CCDC110: variants seen among roughly 807,000 people sequenced by gnomAD.
The protein encoded by CCDC110 is coiled-coil domain containing 110.
CCDC110 carries 70 observed loss-of-function variants against 77.1 expected under a neutral mutation model. The observed-to-expected ratio is 0.91, with a 90% confidence interval of 0.75 to 1.11. CCDC110 has a LOEUF of 1.11. Ranked by LOEUF, CCDC110 falls within the 50% of genes least tolerant of loss-of-function variation. CCDC110 has a pLI of 0.00. For synonymous variants in CCDC110, 295 were observed against 312.5 expected (o/e 0.94, Z 0.59); for missense variants, 868 against 942.9 (o/e 0.92, Z 1.04).
intron 6 of CCDC110, 128 bp downstream of exon 6, chr4:185,457,998 G>T: frequency 1.5e-6 from 1 of 669,386 alleles, no homozygotes; most frequent in Non-Finnish European, 2.3e-6. Flanking sequence ...ATAATAAATT[G>T]GATACAAATT....
At chr4:185,463,392 G>C (rs1438904920) in intron 2 of CCDC110, among the ~76,000 whole-genome samples, 1 of 152,172 alleles carries the variant, frequency 6.6e-6, no homozygotes, top group Non-Finnish European at 1.5e-5. Flanking sequence ...GGAGACCCTT[G>C]GCAAAGTAGT....
intron 4 of CCDC110, among the ~76,000 whole-genome samples, chr4:185,462,107 G>T (rs1053200438): frequency 6.6e-6 from 1 of 152,150 alleles, no homozygotes; most frequent in African/African-American, 2.4e-5. Flanking sequence ...TCAAAGCAAA[G>T]TGTACTCTCT....
chr4:185,451,362 G>A (rs999487720), intron 6 of CCDC110, among the ~76,000 whole-genome samples: 1 of 152,186 alleles, frequency 6.6e-6, no homozygotes, highest in African/African-American at 2.4e-5. Flanking sequence ...GAAGGCTACA[G>A]GACTCTTCTT....
chr4:185,445,246 G>T lies in CCDC110; in HGVS notation c.*256C>A. The T allele has an allele frequency of 1.1e-6, 1 of 944,498 alleles. No individual in the cohort carries two copies. The highest frequency in any genetic ancestry group is 2.6e-5 in the East Asian group (1 of 37,820). The allele number at this position is 944,498 out of a possible 1,614,324, so 58.5% of individuals were successfully genotyped here. A position where few individuals can be genotyped will look rare whatever the true frequency, so the allele number is the denominator to read the frequency against. Reference sequence around the variant, plus strand: ...ACTTTTTTAAATGACAAATGTGGGTGACTTTAGACATCTCAGCTCCTTCCA... The same window carrying T: ...ACTTTTTTAAATGACAAATGTGGGTTACTTTAGACATCTCAGCTCCTTCCA... On this transcript the variant is annotated 3_prime_UTR_variant, in exon 7 of 7. Coordinates refer to ENST00000307588, the MANE Select transcript of CCDC110 (RefSeq NM_152775.4).
intron 6 of CCDC110, among the ~76,000 whole-genome samples, chr4:185,448,619 G>A (rs1434988325): frequency 2.0e-5 from 3 of 152,178 alleles, no homozygotes; most frequent in Non-Finnish European, 4.4e-5. Context: ...CTGTGGGCTA[G>A]TTGGTAAAGT....
chr4:185,459,916 T>C lies in CCDC110; in HGVS notation c.671A>G (p.Lys224Arg), dbSNP rs2095642929. Residue 224 changes from lysine (K) to arginine (R), a missense_variant, in exon 6 of 7, where the codon AAA (lysine) becomes AGA (arginine). Lys to Arg is a conservative substitution (Grantham distance 26). Transcript: ENST00000307588. ...QADTVILDKS[K>R]ITVPFLKHGF... Reference sequence around the variant, plus strand: ...ATGCTTGAGAAAAGGCACAGTAATTTTGGATTTATCCAGAATTACTGTATC... The same window carrying C: ...ATGCTTGAGAAAAGGCACAGTAATTCTGGATTTATCCAGAATTACTGTATC... 1 of 1,613,808 alleles carries C rather than the reference T, an allele frequency of 6.2e-7. No homozygotes were observed. The highest frequency in any genetic ancestry group is 2.2e-5 in the East Asian group (1 of 44,842).
intron 6 of CCDC110, among the ~76,000 whole-genome samples, chr4:185,448,111 C>T (rs1466961490): frequency 6.6e-6 from 1 of 150,974 alleles, no homozygotes; most frequent in East Asian, 2.0e-4. Context: ...ACCTCTGCCT[C>T]CCAGGTTCAA....
At chr4:185,457,919 A>ACAAT in intron 6 of CCDC110, 1 of 657,216 alleles carries the variant, frequency 1.5e-6, no homozygotes, top group Non-Finnish European at 2.3e-6. Flanking sequence ...TTGTACACAT[A>ACAAT]CAATGCACAT....
At chr4:185,452,693 G>A (rs2095630773) in intron 6 of CCDC110, among the ~76,000 whole-genome samples, 1 of 152,016 alleles carries the variant, frequency 6.6e-6, no homozygotes, top group Non-Finnish European at 1.5e-5. Flanking sequence ...TCAGGAGTTC[G>A]AGACCAGCTT....
At chr4:185,457,394 C>T (rs1333354203) in intron 6 of CCDC110, 20 of 441,442 alleles carry the variant, frequency 4.5e-5, no homozygotes, top group Non-Finnish European at 8.6e-5. Flanking sequence ...TCACTCTCTC[C>T]TGTAATGCAA....
At position 185,459,341 on chromosome 4, in the gene CCDC110, T is replaced by C; in HGVS notation, c.1246A>G (p.Lys416Glu). Residue 416 changes from lysine (K) to glutamate (E), a missense_variant, in exon 6 of 7, where the codon AAA becomes GAA. Coordinates refer to ENST00000307588, the MANE Select transcript of CCDC110 (RefSeq NM_152775.4). ...SIISENEKTSKVNSVTEQCVA... is the reference protein window; with the variant it reads ...SIISENEKTSEVNSVTEQCVA... ...CACTGCTCAGTAACGGAATTAACTTTGGAAGTTTTCTCATTTTCAGATATT... is the reference window on the plus strand; with the variant it reads ...CACTGCTCAGTAACGGAATTAACTTCGGAAGTTTTCTCATTTTCAGATATT... 2 of 1,612,094 alleles carry C rather than the reference T, an allele frequency of 1.2e-6. No homozygotes were observed. Among genetic ancestry groups the C allele is most frequent in the Non-Finnish European group, 1.7e-6 (2 of 1,179,186 alleles).
chr4:185,460,062 TGAA>T lies in CCDC110; in HGVS notation c.522_524del (p.Ser175del). On this transcript the variant is annotated inframe_deletion, in exon 6 of 7. Transcript: ENST00000307588. Reference sequence around the variant, plus strand: ...TTATGTTTGAAGATAAATTGTCTGTTGAAGTTCTCAGAGTTAATGTGTCCTCGG... The same window carrying T: ...TTATGTTTGAAGATAAATTGTCTGTTGTTCTCAGAGTTAATGTGTCCTCGG... 6.2e-7 allele frequency: 1 copy of T among 1,613,844 alleles called. No individual in the cohort carries two copies. Among genetic ancestry groups the T allele is most frequent in the South Asian group, 1.1e-5 (1 of 91,052 alleles).
At chr4:185,447,010 T>C (rs2153314353) in intron 6 of CCDC110, among the ~76,000 whole-genome samples, 1 of 152,264 alleles carries the variant, frequency 6.6e-6, no homozygotes, top group South Asian at 2.1e-4. Context: ...GGTTGTTCAT[T>C]CTGCCTTCTA....
chr4:185,445,244 G>A lies in CCDC110; in HGVS notation c.*258C>T, dbSNP rs897655097. The A allele has an allele frequency of 7.3e-5, 72 of 985,272 alleles. No homozygotes were observed. The highest frequency in any genetic ancestry group is 1.0e-4 in the Non-Finnish European group (69 of 678,430). The allele number at this position is 985,272 out of a possible 1,614,324, so 61.0% of individuals were successfully genotyped here. A position where few individuals can be genotyped will look rare whatever the true frequency, so the allele number is the denominator to read the frequency against. ...ATACTTTTTTAAATGACAAATGTGG[G>A]TGACTTTAGACATCTCAGCTCCTTC... On this transcript the variant is annotated 3_prime_UTR_variant, in exon 7 of 7. Coordinates refer to ENST00000307588, the MANE Select transcript of CCDC110 (RefSeq NM_152775.4).
chr4:185,459,808 A>G lies in CCDC110; in HGVS notation c.779T>C (p.Val260Ala), dbSNP rs760630075. Residue 260 changes from valine to alanine, a missense_variant, in exon 6 of 7, where the codon GTG becomes GCG. Transcript: ENST00000307588. ...AGTCTGAAGTTCATTTGTAAGTGCC[A>G]CTTCCCCATCATGTGACTTTTGAAG... is the stretch of plus-strand genomic sequence containing the variant. ...EELQKSHDGE[V>A]ALTNELQTLQ... is the part of the protein sequence containing the mutation. The G allele has an allele frequency of 2.2e-5, 35 of 1,613,498 alleles. No homozygotes were observed. Among genetic ancestry groups the G allele is most frequent in the Middle Eastern group, 3.3e-4 (2 of 6,080 alleles).
chr4:185,458,980 T>C lies in CCDC110; in HGVS notation c.1607A>G (p.Lys536Arg). ...EEKNIQLSLEKQQMMEALDQL... is the reference protein window; with the variant it reads ...EEKNIQLSLERQQMMEALDQL... ...ATCTAATGCTTCCATCATTTGTTGC[T>C]TCTCTAAAGAAAGTTGTATATTTTT... Residue 536 changes from lysine (K) to arginine (R), a missense_variant, in exon 6 of 7, where the codon AAG (lysine) becomes AGG (arginine). Coordinates refer to ENST00000307588, the MANE Select transcript of CCDC110 (RefSeq NM_152775.4). 1 of 1,605,600 alleles carries C rather than the reference T, an allele frequency of 6.2e-7. No homozygotes were observed. Among genetic ancestry groups the C allele is most frequent in the Non-Finnish European group, 8.5e-7 (1 of 1,177,906 alleles).
At chr4:185,457,422 T>C in intron 6 of CCDC110, 1 of 379,718 alleles carries the variant, frequency 2.6e-6, no homozygotes, top group Non-Finnish European at 5.1e-6. Context: ...TGTGATCCTC[T>C]TTACACTGCC....
In CCDC110 at chr4:185,460,029, G is replaced by C; in HGVS notation, c.558C>G (p.His186Gln). ...TCAAGATGTCAGAATTTTCTGAAGG[G>C]TGTATAATTATGTTTGAAGATAAAT... ...TDNLSSNIIIHPSENSDILKN... is the reference protein window; with the variant it reads ...TDNLSSNIIIQPSENSDILKN... Residue 186 changes from histidine (H) to glutamine (Q), a missense_variant, in exon 6 of 7, where the codon CAC (histidine) becomes CAG (glutamine). Transcript: ENST00000307588. The C allele has an allele frequency of 6.2e-7, 1 of 1,613,282 alleles. No homozygotes were observed. Among genetic ancestry groups the C allele is most frequent in the South Asian group, 1.1e-5 (1 of 91,016 alleles).
In CCDC110 at chr4:185,458,640, T is replaced by C. The variant is rs527718435; in HGVS notation, c.1947A>G (p.Gln649=). The C allele has an allele frequency of 7.8e-5, 125 of 1,608,100 alleles. No individual in the cohort carries two copies. In the South Asian group the frequency reaches 1.3e-3, roughly 17 times the overall value. ...TAATTTGTCTGGCAGCAGTAGATTCTTGTAATGTTGTTTCAAGGTTGAGTT... is the reference window on the plus strand; with the variant it reads ...TAATTTGTCTGGCAGCAGTAGATTCCTGTAATGTTGTTTCAAGGTTGAGTT... The part of the protein sequence containing the change: ...DEKLNLETTL[Q]ESTAARQIME... Residue 649 remains glutamine, a synonymous_variant, in exon 6 of 7, where the codon CAA becomes CAG. Coordinates refer to ENST00000307588, the MANE Select transcript of CCDC110 (RefSeq NM_152775.4).
Sources: gnomAD v4.1 joint callset for allele counts (sites outside exome capture counted in the v4.1 genomes callset) on GRCh38, gnomAD v4.1.1 for gene constraint, MANE v1.5 for transcripts, NCBI Gene and HGNC (gene_info 2026-07-23, HGNC 2026-07-21) for gene names.